The following ULK3 variants were observed in gnomAD, a reference collection of about 807,000 sequenced individuals.
ULK3 encodes the protein serine/threonine-protein kinase ULK3.
Under a neutral mutation model 69.4 loss-of-function variants are expected in ULK3, and 54 were observed. The ratio of observed to expected loss-of-function variants is 0.78; its 90% confidence interval spans 0.63 to 0.98. The LOEUF (loss-of-function observed/expected upper bound fraction) is 0.98, where lower values mean the gene tolerates loss of function less well. Among genes scored for constraint, ULK3 ranks in the 50% least tolerant of loss-of-function variants. ULK3 has a pLI of 0.00. For missense variants in ULK3, 558 were observed against 627.7 expected (o/e 0.89, Z 1.19); for synonymous variants, 240 against 254.5 (o/e 0.94, Z 0.54).
chr15:74,840,255 GATCTTC>G lies in ULK3; in HGVS notation c.669_674del (p.Glu223_Ile225delinsAsp), dbSNP rs1168210628. ...ACACCTCGATGACCCGGTTGCTACG[GATCTTC>G]TCTTCCAGCTCCGAGAACGACCTGG... On this transcript the variant is annotated inframe_deletion, in exon 6 of 16. Transcript: ENST00000440863. The G allele has an allele frequency of 1.2e-6, 2 of 1,610,586 alleles. No individual in the cohort carries two copies. Among genetic ancestry groups the G allele is most frequent in the Non-Finnish European group, 8.5e-7 (1 of 1,178,678 alleles).
chr15:74,837,263 CA>C lies in ULK3; in HGVS notation c.1403-20del, dbSNP rs891224973. ...GTGCAAGCTACGGGGGTGAGGGGGA[CA>C]ATGGGGGAGGGTCAGTCTCAGGTCT... is the stretch of plus-strand genomic sequence containing the variant. On this transcript the variant is annotated intron_variant, in intron 15 of 15. Transcript: ENST00000440863. 1 of 1,599,202 alleles carries C rather than the reference CA, an allele frequency of 6.3e-7. No homozygotes were observed. The highest frequency in any genetic ancestry group is 1.3e-5 in the African/African-American group (1 of 74,756).
Position 74,841,473 on chromosome 15 carries a change from G to A in ULK3, c.401C>T (p.Ser134Phe), listed in dbSNP as rs760480569. ...ALQFLHERNI[S>F]HLDLKPQNIL... The stretch of plus-strand genomic sequence containing the variant: ...GTTCTGTGGCTTCAGATCCAGGTGA[G>A]AGATATTCCGTTCATGCAGGAATTG... Residue 134 changes from serine to phenylalanine, a missense_variant, in exon 4 of 16, where the codon TCT (serine) becomes TTT (phenylalanine). Transcript: ENST00000440863. 2.5e-6 allele frequency: 4 copies of A among 1,613,890 alleles called. No individual in the cohort carries two copies. In the Admixed American group the frequency reaches 5.0e-5, roughly 20 times the overall value.
rs764806826 is a variant in ULK3, at chr15:74,843,084, G to A, written c.22C>T (p.Pro8Ser). The change falls in exon 1 of 16, where the codon CCC becomes TCC. Residue 8 changes from proline (P) to serine (S), a missense_variant. Transcript: ENST00000440863. MAGPGWG[P>S]PRLDGFILTE... ...AGGATGAAGCCGTCCAGGCGCGGGGGACCCCAGCCGGGCCCCGCCATTCCG... is the reference window on the plus strand; with the variant it reads ...AGGATGAAGCCGTCCAGGCGCGGGGAACCCCAGCCGGGCCCCGCCATTCCG... 52 of 1,378,032 alleles carry A rather than the reference G, an allele frequency of 3.8e-5. No individual in the cohort carries two copies. Among genetic ancestry groups the A allele is most frequent in the Admixed American group, 1.8e-4 (6 of 33,342 alleles). The allele number at this position is 1,378,032 out of a possible 1,614,324, so 85.4% of individuals were successfully genotyped here. A position where few individuals can be genotyped will look rare whatever the true frequency, so the allele number is the denominator to read the frequency against.
At chr15:74,840,811 G>C in intron 4 of ULK3, 170 bp from the exon 5 acceptor site, 1 of 913,106 alleles carries the variant, frequency 1.1e-6, no homozygotes, top group Non-Finnish European at 1.6e-6. Flanking sequence ...CTGCCTCTGG[G>C]GTATAAAACC....
chr15:74,840,492 T>C lies in ULK3; in HGVS notation c.613+6A>G, dbSNP rs376196727. The C allele has an allele frequency of 4.4e-6, 7 of 1,602,368 alleles. No homozygotes were observed. On this transcript the variant is annotated splice_donor_region_variant and intron_variant, in intron 5 of 15. Transcript: ENST00000440863. ...CAGGGTGAGAAGCAGGGAAAAGAGG[T>C]CTCACCATACAGGATGACCCCCATG... is the stretch of plus-strand genomic sequence containing the variant.
At position 74,838,501 on chromosome 15, in the gene ULK3, A is replaced by G; in HGVS notation, c.1106T>C (p.Met369Thr). ...GTSARDLLRE[M>T]ARDKPRLLAA... Reference sequence around the variant, plus strand: ...TAGGAGGCGTGGCTTGTCCCGGGCCATCTCTGAGATGAGGGGAAAGGCTCA... The same window carrying G: ...TAGGAGGCGTGGCTTGTCCCGGGCCGTCTCTGAGATGAGGGGAAAGGCTCA... Residue 369 changes from methionine to threonine, a missense_variant, in exon 11 of 16, where the codon ATG (methionine) becomes ACG (threonine). Met to Thr is a moderately conservative substitution (Grantham distance 81). Transcript: ENST00000440863. 1.3e-6 allele frequency: 2 copies of G among 1,572,544 alleles called. No individual in the cohort carries two copies. The highest frequency in any genetic ancestry group is 1.7e-6 in the Non-Finnish European group (2 of 1,159,066).
Position 74,838,690 on chromosome 15 carries a change from T to C in ULK3, c.1055A>G (p.Asn352Ser), listed in dbSNP as rs753772870. The change falls in exon 10 of 16, where the codon AAT becomes AGT. Residue 352 changes from asparagine to serine, a missense_variant. Transcript: ENST00000440863. ...GGTCCCCTGCCTCAGCAGGGCCTGA[T>C]TGGAAGAGGAGACGATGGCCTTGAG... Reference protein sequence around the residue: ...EELKAIVSSSNQALLRQGTSA... With the variant: ...EELKAIVSSSSQALLRQGTSA... The C allele has an allele frequency of 3.7e-5, 60 of 1,612,746 alleles. No individual in the cohort carries two copies. In the East Asian group the frequency reaches 4.0e-4, roughly 11 times the overall value.
At position 74,840,581 on chromosome 15, in the gene ULK3, G is replaced by T. The variant is rs1369281509; in HGVS notation, c.530C>A (p.Pro177His). 1.9e-6 allele frequency: 3 copies of T among 1,608,146 alleles called. No individual in the cohort carries two copies. In the South Asian group the frequency reaches 3.3e-5, roughly 18 times the overall value. ...WDEKHVLRGSPLYMAPEMVCQ... is the reference protein window; with the variant it reads ...WDEKHVLRGSHLYMAPEMVCQ... ...CACCATCTCGGGGGCCATGTAGAGG[G>T]GGGAGCCACGGAGCACGTGCTTCTC... Residue 177 changes from proline to histidine, a missense_variant, in exon 5 of 16, where the codon CCC (proline) becomes CAC (histidine). Pro to His is a moderately conservative substitution (Grantham distance 77). Transcript: ENST00000440863.
At chr15:74,838,952 C>A (rs1410093438) in intron 9 of ULK3, 58 bp downstream of exon 9, 2 of 1,556,386 alleles carry the variant, frequency 1.3e-6, no homozygotes. Context: ...CAGAGGCCCC[C>A]GAGATCTCCG....
intron 13 of ULK3, 162 bp downstream of exon 13, chr15:74,837,990 C>T: frequency 7.8e-7 from 1 of 1,278,688 alleles, no homozygotes; most frequent in Non-Finnish European, 1.1e-6. Flanking sequence ...TTCCCAGATC[C>T]CCCACTGCCC....
At position 74,839,665 on chromosome 15, in the gene ULK3, G is replaced by A. The variant is rs1033295403; in HGVS notation, c.745C>T (p.Arg249Trp). 3.3e-5 allele frequency: 52 copies of A among 1,554,116 alleles called. No homozygotes were observed. The highest frequency in any genetic ancestry group is 5.8e-5 in the Admixed American group (3 of 51,616). Residue 249 changes from arginine (R) to tryptophan (W), a missense_variant, in exon 7 of 16, where the codon CGG (arginine) becomes TGG (tryptophan). Coordinates refer to ENST00000440863, the MANE Select transcript of ULK3 (RefSeq NM_001099436.4). The part of the protein sequence containing the change: ...LSRDCRDLLQ[R>W]LLERDPSRRI... ...CGGCTGGGGTCCCGCTCCAGGAGCCGCTGCAGTAGGTCCCGGCAGTCTCGG... is the reference window on the plus strand; with the variant it reads ...CGGCTGGGGTCCCGCTCCAGGAGCCACTGCAGTAGGTCCCGGCAGTCTCGG...
chr15:74,842,237 T>C lies in ULK3; in HGVS notation c.244-42A>G. On this transcript the variant is annotated intron_variant, in intron 2 of 15. Transcript: ENST00000440863. This position sits in a 1 kb window ranked among gnomAD's most constrained non-coding sequence, Gnocchi z 4.9. ...AGAGGCGGCCTGAAGAGAGTGTCCCTTCTCCAGCTCCCTTTGGCAGCGGCC... is the reference window on the plus strand; with the variant it reads ...AGAGGCGGCCTGAAGAGAGTGTCCCCTCTCCAGCTCCCTTTGGCAGCGGCC... 2 of 1,613,964 alleles carry C rather than the reference T, an allele frequency of 1.2e-6. No individual in the cohort carries two copies.
In ULK3 at chr15:74,838,287, C is replaced by A. The variant is rs1008991958; in HGVS notation, c.1225G>T (p.Glu409Ter). The change falls in exon 12 of 16, where the codon GAG (glutamate) becomes TAG (stop). Residue 409 changes from glutamate to a stop codon, truncating the protein, a stop_gained. Coordinates refer to ENST00000440863, the MANE Select transcript of ULK3 (RefSeq NM_001099436.4). LOFTEE classifies it high-confidence loss of function. ...ALDLYQHSLG[E>*]LLLLLAAEPP... ...TCACCTGCCAGCAACAGCAGTAGCT[C>A]CCCCAGGCTGTGCTGGTACAGGTCC... is the stretch of plus-strand genomic sequence containing the variant. 2.6e-6 allele frequency: 4 copies of A among 1,562,482 alleles called. No individual in the cohort carries two copies. The highest frequency in any genetic ancestry group is 3.5e-6 in the Non-Finnish European group (4 of 1,153,444).
intron 3 of ULK3, among the ~76,000 whole-genome samples, 195 bp downstream of exon 3, chr15:74,841,880 G>C (rs1302266741): frequency 2.0e-5 from 3 of 152,228 alleles, no homozygotes; most frequent in Non-Finnish European, 4.4e-5. Context: ...ACCCCACAGA[G>C]GGGTTACCCC....
intron 8 of ULK3, 97 bp from the exon 9 acceptor site, chr15:74,839,147 A>AAT: frequency 6.5e-7 from 1 of 1,538,658 alleles, no homozygotes; most frequent in Non-Finnish European, 8.8e-7. Flanking sequence ...TTCCAGGTTT[A>AAT]CGCTCTGCTT....
Position 74,843,036 on chromosome 15 carries a change from T to C in ULK3, c.70A>G (p.Thr24Ala). 1.3e-6 allele frequency: 2 copies of C among 1,529,414 alleles called. No homozygotes were observed. Among genetic ancestry groups the C allele is most frequent in the South Asian group, 2.4e-5 (2 of 82,486 alleles). 94.7% of individuals were successfully genotyped at this position (1,529,414 alleles called of 1,614,324 possible). The change falls in exon 1 of 16, where the codon ACG (threonine) becomes GCG (alanine). Residue 24 changes from threonine to alanine, a missense_variant. By Grantham distance (58) the Thr-to-Ala change is moderately conservative (BLOSUM62 0). Coordinates refer to ENST00000440863, the MANE Select transcript of ULK3 (RefSeq NM_001099436.4). ...FILTERLGSG[T>A]YATVYKAYAK... Reference sequence around the variant, plus strand: ...TAGGCCTTGTACACCGTGGCGTACGTGCCGCTGCCCAGGCGCTCGGTGAGG... The same window carrying C: ...TAGGCCTTGTACACCGTGGCGTACGCGCCGCTGCCCAGGCGCTCGGTGAGG...
In ULK3 at chr15:74,841,390, GTT is replaced by G. The variant is rs2064241584; in HGVS notation, c.469+13_469+14del. The G allele has an allele frequency of 2.5e-6, 4 of 1,609,852 alleles. No homozygotes were observed. The highest frequency in any genetic ancestry group is 1.3e-5 in the African/African-American group (1 of 74,838). ...GCACTCTCCAAACCTCATCCCTGCT[GTT>G]TCAGACACAGACCTGCCAGTTTTAG... On this transcript the variant is annotated intron_variant, in intron 4 of 15. Coordinates refer to ENST00000440863, the MANE Select transcript of ULK3 (RefSeq NM_001099436.4).
At position 74,843,139 on chromosome 15, in the gene ULK3, G is replaced by T; in HGVS notation, c.-34C>A. The T allele has an allele frequency of 1.6e-6, 2 of 1,213,166 alleles. No individual in the cohort carries two copies. Among genetic ancestry groups the T allele is most frequent in the Non-Finnish European group, 2.1e-6 (2 of 964,000 alleles). The allele number at this position is 1,213,166 out of a possible 1,614,324, so 75.2% of individuals were successfully genotyped here. A position where few individuals can be genotyped will look rare whatever the true frequency, so the allele number is the denominator to read the frequency against. ...CCTGCGCCCGCGCGGGCGCTTCCTCGCTGCGGGCGGCGGTTCCGGCGGGTT... is the reference window on the plus strand; with the variant it reads ...CCTGCGCCCGCGCGGGCGCTTCCTCTCTGCGGGCGGCGGTTCCGGCGGGTT... On this transcript the variant is annotated 5_prime_UTR_variant, in exon 1 of 16. Coordinates refer to ENST00000440863, the MANE Select transcript of ULK3 (RefSeq NM_001099436.4).
intron 9 of ULK3, 34 bp downstream of exon 9, chr15:74,838,976 G>C (rs1478769022): frequency 1.3e-5 from 20 of 1,577,692 alleles, no homozygotes; most frequent in Non-Finnish European, 1.7e-5. Context: ...CTTACCCCCT[G>C]CCCCCCCACT....
Sources: allele counts gnomAD v4.1 joint callset (sites outside exome capture counted in the v4.1 genomes callset), GRCh38; gene constraint gnomAD v4.1.1; non-coding constraint Gnocchi (gnomAD v3.1); transcripts MANE v1.5; gene names NCBI Gene and HGNC (gene_info 2026-07-23, HGNC 2026-07-21).